Variants in MSI2 observed in about 807,000 individuals in gnomAD.
MSI2 encodes the protein musashi RNA binding protein 2.
A neutral mutation model predicts 45.6 loss-of-function variants in MSI2; 17 were observed. The ratio of observed to expected loss-of-function variants is 0.37; its 90% CI spans 0.26 to 0.56. The LOEUF (loss-of-function observed/expected upper bound fraction) is 0.56, where lower values mean the gene tolerates loss of function less well. MSI2 is among the 20% of genes least tolerant of loss of function. The probability of loss-of-function intolerance (pLI) is 0.77; values close to 1 mark genes in which losing one functional copy is unlikely to be tolerated. For synonymous variants in MSI2, 156 were observed against 158.2 expected (o/e 0.99, Z 0.11); for missense variants, 293 against 444.2 (o/e 0.66, Z 3.06).
In MSI2 at chr17:57,293,595, G is replaced by GTGT. The variant is rs1555573447; in HGVS notation, c.312+31404_312+31405insGTT. 1.5e-3 allele frequency among the ~76,000 whole-genome samples: 204 copies of GTGT among 134,716 alleles called. 1 individual carries two copies. In the Middle Eastern group the frequency reaches 0.015, roughly 10 times the overall value. The allele number at this position is 134,716 out of a possible 152,430, so 88.4% of individuals were successfully genotyped here. A position where few individuals can be genotyped will look rare whatever the true frequency, so the allele number is the denominator to read the frequency against. The stretch of plus-strand genomic sequence containing the variant: ...GTAATCAGTGCTTTATTGTTTTTTT[G>GTGT]TTTTTTTTTTTGTTTTTTTTTGTTT... On this transcript the variant is annotated intron_variant, in intron 5 of 13. Transcript: ENST00000284073.
intron 6 of MSI2, among the ~76,000 whole-genome samples, chr17:57,417,889 TG>T (rs916863758): frequency 6.6e-6 from 1 of 152,224 alleles, no homozygotes; most frequent in African/African-American, 2.4e-5. Context: ...GATGCCTTTT[TG>T]TAAAGAGGCA....
chr17:57,357,679 T>A (rs958628545), intron 5 of MSI2, among the ~76,000 whole-genome samples: 1 of 152,224 alleles, frequency 6.6e-6, no homozygotes, highest in East Asian at 1.9e-4. Flanking sequence ...GGTGAAATCA[T>A]GACCTGCCCG....
intron 5 of MSI2, among the ~76,000 whole-genome samples, chr17:57,317,016 G>A (rs1322307532): frequency 6.6e-6 from 1 of 152,046 alleles, no homozygotes; most frequent in Non-Finnish European, 1.5e-5. Context: ...CCACAAGAGT[G>A]CTCAAAAGCC....
chr17:57,609,834 G>A (rs930830296), intron 8 of MSI2, among the ~76,000 whole-genome samples: 1 of 152,210 alleles, frequency 6.6e-6, no homozygotes, highest in Non-Finnish European at 1.5e-5. Context: ...TCCCCGCTAG[G>A]GAGAGGGTGT....
intron 5 of MSI2, among the ~76,000 whole-genome samples, chr17:57,383,297 C>T (rs151022037): frequency 2.0e-5 from 3 of 152,350 alleles, no homozygotes; most frequent in East Asian, 1.9e-4. Flanking sequence ...AAAAATACAT[C>T]GCCCATCAGC....
intron 6 of MSI2, among the ~76,000 whole-genome samples, chr17:57,461,502 G>A (rs963082755): frequency 1.3e-5 from 2 of 151,486 alleles, no homozygotes; most frequent in Admixed American, 6.6e-5. Flanking sequence ...GGCTGCTGTC[G>A]GGAACAGTAG....
At chr17:57,460,722 G>A (rs1388812342) in intron 6 of MSI2, among the ~76,000 whole-genome samples, 2 of 152,124 alleles carry the variant, frequency 1.3e-5, no homozygotes, top group African/African-American at 4.8e-5. Context: ...GTGGTGCTAG[G>A]AAACTTGTAC....
At chr17:57,448,968 CAGGTATGTAGTAAATGT>C (rs2084948140) in intron 6 of MSI2, 1 of 152,194 alleles carries the variant, frequency 6.6e-6, no homozygotes, top group African/African-American at 2.4e-5. Context: ...TGATGCCTGG[CAGGTATGTAGTAAATGT>C]TCAAATGTTT....
Position 57,682,121 on chromosome 17 carries a change from T to G in MSI2, c.*2604T>G, listed in dbSNP as rs1913641954. 5.1e-6 allele frequency: 1 copy of G among 197,636 alleles called. No homozygotes were observed. The highest frequency in any genetic ancestry group is 2.3e-5 in the African/African-American group (1 of 43,424). 12.2% of individuals were successfully genotyped at this position (197,636 alleles called of 1,614,324 possible). On this transcript the variant is annotated 3_prime_UTR_variant, in exon 14 of 14. Transcript: ENST00000284073. ...TTTAAAAAAAATTAGACATAGTTAT[T>G]CAGATTTAGGACCAGTAAGGATAGA...
chr17:57,492,220 G>A (rs1398341066), intron 6 of MSI2, among the ~76,000 whole-genome samples: 1 of 152,212 alleles, frequency 6.6e-6, no homozygotes, highest in African/African-American at 2.4e-5. Flanking sequence ...ATGAAAAACG[G>A]GGGAAGGATT....
intron 5 of MSI2, among the ~76,000 whole-genome samples, chr17:57,329,892 T>A (rs1057008580): frequency 6.6e-6 from 1 of 152,162 alleles, no homozygotes; most frequent in Non-Finnish European, 1.5e-5. Context: ...GTTGAACAGA[T>A]GAATCTGAAA....
intron 8 of MSI2, among the ~76,000 whole-genome samples, chr17:57,607,984 A>G (rs1327333970): frequency 1.3e-5 from 2 of 152,146 alleles, no homozygotes; most frequent in African/African-American, 4.8e-5. Context: ...ACCAGGCCCC[A>G]CCTCCAACAC....
At position 57,531,148 on chromosome 17, in the gene MSI2, A is replaced by G. The variant is rs76508778; in HGVS notation, c.454+1424A>G. 6.0e-3 allele frequency among the ~76,000 whole-genome samples: 918 copies of G among 152,276 alleles called. 25 individuals are homozygous for G. The highest frequency in any genetic ancestry group is 0.048 in the Admixed American group (738 of 15,304). ...CCTCCATCATCATCCACATTCTGTC[A>G]ATCTAGCTTTATGGTTTCCAAGCCG... On this transcript the variant is annotated intron_variant, in intron 7 of 13. Coordinates refer to ENST00000284073, the MANE Select transcript of MSI2 (RefSeq NM_138962.4).
intron 5 of MSI2, among the ~76,000 whole-genome samples, chr17:57,356,098 C>T (rs1427260531): frequency 1.3e-5 from 2 of 152,166 alleles, no homozygotes; most frequent in African/African-American, 4.8e-5. Context: ...TGGTCCCGAA[C>T]TCCTGACCTC....
chr17:57,610,211 G>A lies in MSI2; in HGVS notation c.538-5759G>A, dbSNP rs1355383093. On this transcript the variant is annotated intron_variant, in intron 8 of 13. Coordinates refer to ENST00000284073, the MANE Select transcript of MSI2 (RefSeq NM_138962.4). The stretch of plus-strand genomic sequence containing the variant: ...CTCACGTCTGTAATCCCAGCACTTC[G>A]GGAGGCTGAGGCGGGAAGATCACGA... Among the ~76,000 whole-genome samples the A allele has an allele frequency of 3.9e-5, 6 of 152,256 alleles. No individual in the cohort carries two copies. In the East Asian group the frequency reaches 9.6e-4, roughly 24 times the overall value.
At chr17:57,428,577 T>C (rs1007305613) in intron 6 of MSI2, among the ~76,000 whole-genome samples, 3 of 152,158 alleles carry the variant, frequency 2.0e-5, no homozygotes, top group African/African-American at 7.2e-5. Flanking sequence ...GCTGGGCATC[T>C]TTTTTTAAAA....
chr17:57,303,510 G>GGAC (rs1911599308), intron 5 of MSI2, among the ~76,000 whole-genome samples: 2 of 152,178 alleles, frequency 1.3e-5, no homozygotes, highest in Non-Finnish European at 2.9e-5. Context: ...CTGTGCTTAT[G>GGAC]GACAAGGTCC....
rs567458469 is a variant in MSI2 at position 57,430,930 on chromosome 17, A to G, written c.405+29459A>G. Among the ~76,000 whole-genome samples, 60 of 152,312 alleles carry G rather than the reference A, an allele frequency of 3.9e-4. 1 individual carries two copies. In the South Asian group the frequency reaches 0.012, roughly 31 times the overall value. On this transcript the variant is annotated intron_variant, in intron 6 of 13. Transcript: ENST00000284073. ...CTGTCCTGCCCGCCTCTTCTTCCTG[A>G]ATTTGGCACTGGTTATGATTTTAGG...
chr17:57,544,298 G>T (rs559512012), intron 7 of MSI2, among the ~76,000 whole-genome samples: 2 of 152,274 alleles, frequency 1.3e-5, no homozygotes, highest in South Asian at 4.2e-4. Context: ...TTTAGTGTGG[G>T]ACTAATTAAA....
Sources: allele counts gnomAD v4.1 joint callset (sites outside exome capture counted in the v4.1 genomes callset), GRCh38; gene constraint gnomAD v4.1.1; transcripts MANE v1.5; gene names NCBI Gene and HGNC (gene_info 2026-07-23, HGNC 2026-07-21).